The following GLIS1 variants were observed in gnomAD, a reference collection of about 807,000 sequenced individuals.
GLIS1 encodes GLIS family zinc finger 1.
A neutral mutation model predicts 63.8 loss-of-function variants in GLIS1; 24 were observed. The observed-to-expected ratio is 0.38, with a 90% CI of 0.27 to 0.53. GLIS1 has a LOEUF of 0.53. Among genes scored for constraint, GLIS1 ranks in the 20% least tolerant of loss-of-function variants. GLIS1 has a pLI of 0.85. For missense variants in GLIS1, 1,036 were observed against 1,074.1 expected (o/e 0.96, Z 0.50); for synonymous variants, 450 against 482.5 (o/e 0.93, Z 0.88).
intron 8 of GLIS1, among the ~76,000 whole-genome samples, chr1:53,514,331 A>G (rs1402219241): frequency 6.6e-6 from 1 of 152,150 alleles, no homozygotes; most frequent in African/African-American, 2.4e-5. Context: ...CCCAGAATGC[A>G]GGGGTCGCTG....
intron 2 of GLIS1, among the ~76,000 whole-genome samples, chr1:53,669,539 C>T (rs940513186): frequency 1.2e-4 from 19 of 152,340 alleles, no homozygotes; most frequent in African/African-American, 4.6e-4. Context: ...TCAGACACTT[C>T]CTAGTCATTC....
chr1:53,544,846 T>C (rs1443432115), intron 4 of GLIS1, among the ~76,000 whole-genome samples: 1 of 152,210 alleles, frequency 6.6e-6, no homozygotes, highest in African/African-American at 2.4e-5. Flanking sequence ...GGGTTCACCC[T>C]AGCCCAGGGG....
At chr1:53,562,211 G>A (rs1644899131) in intron 4 of GLIS1, among the ~76,000 whole-genome samples, 1 of 152,184 alleles carries the variant, frequency 6.6e-6, no homozygotes, top group Non-Finnish European at 1.5e-5. Context: ...AGAGATGAAT[G>A]AGCAGAGGCC....
intron 7 of GLIS1, among the ~76,000 whole-genome samples, 157 bp downstream of exon 7, chr1:53,520,477 G>A (rs551035995): frequency 6.6e-6 from 1 of 152,366 alleles, no homozygotes; most frequent in South Asian, 2.1e-4. Flanking sequence ...TTGGAAGTAG[G>A]GAACCAGAGG....
intron 10 of GLIS1, 42 bp from the exon 11 acceptor site, chr1:53,506,818 G>A (rs767368691): frequency 3.2e-6 from 5 of 1,576,692 alleles, no homozygotes; most frequent in South Asian, 1.1e-5. Flanking sequence ...AGGCAGCAGG[G>A]GCTGTGCCTG....
At chr1:53,681,969 A>G (rs1646280046) in intron 2 of GLIS1, among the ~76,000 whole-genome samples, 1 of 152,130 alleles carries the variant, frequency 6.6e-6, no homozygotes, top group Non-Finnish European at 1.5e-5. Context: ...AGTTTATACT[A>G]CACTAACTTA....
chr1:53,626,948 G>A (rs1177035067), intron 2 of GLIS1, among the ~76,000 whole-genome samples: 1 of 152,246 alleles, frequency 6.6e-6, no homozygotes. Context: ...TGTGATAAAT[G>A]TGGAAGGGCT....
intron 2 of GLIS1, among the ~76,000 whole-genome samples, chr1:53,656,332 T>C (rs543616665): frequency 2.4e-4 from 37 of 152,284 alleles, no homozygotes; most frequent in African/African-American, 7.2e-4. Flanking sequence ...CATCTTCTCC[T>C]CACCTGAGAC....
intron 4 of GLIS1, among the ~76,000 whole-genome samples, chr1:53,585,035 GC>G (rs1645120884): frequency 6.6e-6 from 1 of 152,116 alleles, no homozygotes; most frequent in Admixed American, 6.5e-5. Flanking sequence ...AAGTTCAAAA[GC>G]TTTTTCCTTT....
At chr1:53,736,131 G>C (rs1422087034) in intron 2 of GLIS1, among the ~76,000 whole-genome samples, 3 of 152,204 alleles carry the variant, frequency 2.0e-5, no homozygotes, top group Non-Finnish European at 4.4e-5. Flanking sequence ...TTGGAAAAAA[G>C]CTTCACCAGA....
Position 53,539,257 on chromosome 1 carries a change from C to T in GLIS1, c.1321-9305G>A, listed in dbSNP as rs1644614665. 6.8e-6 allele frequency among the ~76,000 whole-genome samples: 1 copy of T among 146,386 alleles called. No homozygotes were observed. On this transcript the variant is annotated intron_variant, in intron 4 of 10. Coordinates refer to ENST00000628545, the MANE Select transcript of GLIS1 (RefSeq NM_001367484.1). The surrounding 1 kb of genome is among the most constrained non-coding windows in gnomAD (Gnocchi z 5.0). ...ACACACATGGATTCACACACACACA[C>T]ACACCAAGACCCAGAAACTCCCTCA...
At chr1:53,719,545 T>C (rs1646732477) in intron 2 of GLIS1, among the ~76,000 whole-genome samples, 1 of 152,224 alleles carries the variant, frequency 6.6e-6, no homozygotes, top group Non-Finnish European at 1.5e-5. Context: ...ATCCACTGTC[T>C]TAGGACTCAG....
At chr1:53,549,863 C>G (rs545726292) in intron 4 of GLIS1, among the ~76,000 whole-genome samples, 6 of 152,260 alleles carry the variant, frequency 3.9e-5, no homozygotes, top group African/African-American at 1.4e-4. Flanking sequence ...TACCAATGGG[C>G]AAACAGAGTC....
intron 2 of GLIS1, among the ~76,000 whole-genome samples, chr1:53,658,959 G>A (rs1056516732): frequency 1.3e-5 from 2 of 152,148 alleles, no homozygotes; most frequent in African/African-American, 4.8e-5. Flanking sequence ...ATGCACCAAG[G>A]GGCCAAGGGG....
chr1:53,704,794 T>G (rs2100503982), intron 2 of GLIS1, among the ~76,000 whole-genome samples: 1 of 152,238 alleles, frequency 6.6e-6, no homozygotes, highest in Non-Finnish European at 1.5e-5. Context: ...AAGCACTGGC[T>G]CGTAGTGAGA....
At chr1:53,583,975 A>G (rs1315231207) in intron 4 of GLIS1, among the ~76,000 whole-genome samples, 1 of 152,240 alleles carries the variant, frequency 6.6e-6, no homozygotes, top group East Asian at 1.9e-4. Context: ...ACTGTGCCCC[A>G]GCACGACACA....
chr1:53,546,281 G>A (rs1464148779), intron 4 of GLIS1, among the ~76,000 whole-genome samples: 5 of 152,230 alleles, frequency 3.3e-5, no homozygotes, highest in African/African-American at 9.6e-5. Flanking sequence ...CACAAACCTT[G>A]GCAGGGAGGG....
intron 5 of GLIS1, among the ~76,000 whole-genome samples, chr1:53,528,869 G>A (rs1039498537): frequency 5.9e-5 from 9 of 152,078 alleles, no homozygotes; most frequent in African/African-American, 1.2e-4. Context: ...CCTGGGGCCC[G>A]GACATGGCTC....
intron 2 of GLIS1, among the ~76,000 whole-genome samples, chr1:53,685,757 C>A (rs769534397): frequency 6.6e-6 from 1 of 152,184 alleles, no homozygotes; most frequent in African/African-American, 2.4e-5. Context: ...CTCTCCCCAG[C>A]GGCTTCAGCG....
Sources: gnomAD v4.1 joint callset for allele counts (sites outside exome capture counted in the v4.1 genomes callset) on GRCh38, gnomAD v4.1.1 for gene constraint, Gnocchi (gnomAD v3.1) non-coding constraint, MANE v1.5 for transcripts, NCBI Gene and HGNC (gene_info 2026-07-23, HGNC 2026-07-21) for gene names.